Variants in UBXN7 observed in about 807,000 individuals in gnomAD.
UBXN7 encodes UBX domain-containing protein 7.
In UBXN7, 9 loss-of-function variants were observed where a neutral mutation model predicts 58.0. The ratio of observed to expected loss-of-function variants is 0.16; its 90% CI spans 0.09 to 0.27. The LOEUF (loss-of-function observed/expected upper bound fraction) is 0.27, where lower values mean the gene tolerates loss of function less well. Ranked by LOEUF, UBXN7 falls within the 10% of genes least tolerant of loss-of-function variation. The pLI is 1.00. For synonymous variants in UBXN7, 208 were observed against 205.0 expected (o/e 1.01, Z -0.12); for missense variants, 328 against 599.6 (o/e 0.55, Z 4.73).
chr3:196,385,660 C>T (rs1433910686), intron 5 of UBXN7, among the ~76,000 whole-genome samples: 1 of 151,730 alleles, frequency 6.6e-6, no homozygotes, highest in Admixed American at 6.6e-5. Flanking sequence ...CGGCCGCCCC[C>T]TCTGAGAAGT....
chr3:196,362,012 G>A (rs1728518962), intron 9 of UBXN7, 89 bp from the exon 10 acceptor site: 1 of 1,284,004 alleles, frequency 7.8e-7, no homozygotes, highest in Non-Finnish European at 1.1e-6. Flanking sequence ...AATAAATACA[G>A]CCATTCAGCA....
chr3:196,378,636 C>T lies in UBXN7; in HGVS notation c.469-6594G>A, dbSNP rs116133408. Among the ~76,000 whole-genome samples the T allele has an allele frequency of 6.8e-3, 1,039 of 152,314 alleles. 10 individuals are homozygous for T. The highest frequency in any genetic ancestry group is 0.023 in the African/African-American group (960 of 41,564). ...CTGAGGGCTCCTCCTCCTTTTTAGA[C>T]GATACAGGGCAACTTCCTGATGTTG... On this transcript the variant is annotated intron_variant, in intron 5 of 10. Transcript: ENST00000296328.
intron 8 of UBXN7, among the ~76,000 whole-genome samples, chr3:196,362,890 C>T (rs527254183): frequency 1.3e-5 from 2 of 151,756 alleles, no homozygotes; most frequent in African/African-American, 4.8e-5. Context: ...CACACACACA[C>T]GTTTTTGTTG....
intron 8 of UBXN7, among the ~76,000 whole-genome samples, chr3:196,366,608 T>C (rs1189566868): frequency 1.3e-5 from 2 of 151,988 alleles, no homozygotes; most frequent in African/African-American, 2.4e-5. Flanking sequence ...ACAATAAAAA[T>C]GTTGCTAGGT....
At chr3:196,390,261 T>G (rs182281205) in intron 5 of UBXN7, among the ~76,000 whole-genome samples, 2 of 151,628 alleles carry the variant, frequency 1.3e-5, no homozygotes, top group Non-Finnish European at 2.9e-5. Context: ...GGTCTCACTA[T>G]GTTGCCCAGG....
rs184244876 is a variant in UBXN7 at position 196,369,904 on chromosome 3, G to A, written c.616-393C>T. ...TCCCAGCACTTTAGGAGGCCGAGGC[G>A]AGTGGATCACAAGGTCAGGAGATTG... On this transcript the variant is annotated intron_variant, in intron 6 of 10. Coordinates refer to ENST00000296328, the MANE Select transcript of UBXN7 (RefSeq NM_015562.2). 4.2e-3 allele frequency among the ~76,000 whole-genome samples: 633 copies of A among 152,152 alleles called. 5 individuals carry two copies. Among genetic ancestry groups the A allele is most frequent in the African/African-American group, 0.014 (586 of 41,514 alleles).
chr3:196,401,832 G>GAAGAGAAGAGAAGAGAAGAGAAGAGAA (rs1730002228), intron 3 of UBXN7, among the ~76,000 whole-genome samples: 1 of 146,970 alleles, frequency 6.8e-6, no homozygotes, highest in Non-Finnish European at 1.5e-5. Flanking sequence ...AGAGAGAAGA[G>GAAGAGAAGAGAAGAGAAGAGAAGAGAA]AAGAGAAGAG....
intron 1 of UBXN7, among the ~76,000 whole-genome samples, chr3:196,419,062 T>TG (rs1207726665): frequency 6.6e-6 from 1 of 152,184 alleles, no homozygotes; most frequent in African/African-American, 2.4e-5. Flanking sequence ...GGCCAGGAGT[T>TG]GGAGACCAGC....
In UBXN7 at chr3:196,407,287, A is replaced by G. The variant is rs752492750; in HGVS notation, c.180T>C (p.Ser60=). Residue 60 remains serine (S), a synonymous_variant, in exon 2 of 11, where the codon AGT becomes AGC. Coordinates refer to ENST00000296328, the MANE Select transcript of UBXN7 (RefSeq NM_015562.2). ...CAGTAGAGACACTTGCTGAACTGGT[A>G]CTGGGCTCTTCAGCGATTCCTCCAC... ...LDGGGIAEEP[S]TSSASVSTVR... 6.2e-7 allele frequency: 1 copy of G among 1,614,228 alleles called. No homozygotes were observed. Among genetic ancestry groups the G allele is most frequent in the South Asian group, 1.1e-5 (1 of 91,088 alleles).
intron 10 of UBXN7, 103 bp from the exon 11 acceptor site, chr3:196,356,949 G>A (rs1728367434): frequency 1.4e-6 from 2 of 1,379,440 alleles, no homozygotes; most frequent in Admixed American, 3.0e-5. Flanking sequence ...TATTAGATCA[G>A]CTATTAAATG....
intron 3 of UBXN7, among the ~76,000 whole-genome samples, chr3:196,401,248 C>A (rs1300717978): frequency 2.6e-3 from 6 of 2,274 alleles, no homozygotes; most frequent in Admixed American, 9.4e-3. Flanking sequence ...CCCGTCTCTC[C>A]AAAAAAAAAA....
intron 4 of UBXN7, among the ~76,000 whole-genome samples, chr3:196,392,694 T>C (rs1729626182): frequency 6.6e-6 from 1 of 151,760 alleles, no homozygotes; most frequent in Non-Finnish European, 1.5e-5. Context: ...TCCCAGCTAC[T>C]TGGGAGGCTG....
chr3:196,408,175 C>T (rs763795440), intron 1 of UBXN7, among the ~76,000 whole-genome samples: 1 of 144,292 alleles, frequency 6.9e-6, no homozygotes, highest in Non-Finnish European at 1.5e-5. Context: ...TTGTCTAAGA[C>T]ATAACTAAGT....
chr3:196,428,075 A>G (rs958099254), intron 1 of UBXN7, among the ~76,000 whole-genome samples: 1 of 152,138 alleles, frequency 6.6e-6, no homozygotes, highest in Non-Finnish European at 1.5e-5. Flanking sequence ...AGTGAGCCGA[A>G]ATCATGCCAC....
At chr3:196,407,037 C>G (rs545772559) in intron 2 of UBXN7, among the ~76,000 whole-genome samples, 3 of 152,356 alleles carry the variant, frequency 2.0e-5, no homozygotes, top group Non-Finnish European at 4.4e-5. Flanking sequence ...TTCACAGAGC[C>G]TACACGGTTC....
Position 196,354,928 on chromosome 3 carries a change from T to C in UBXN7, c.*1757A>G, listed in dbSNP as rs1267707730. On this transcript the variant is annotated 3_prime_UTR_variant, in exon 11 of 11. Transcript: ENST00000296328. ...TTAGAAAAAAATTTAAGAACATTAA[T>C]TCAAAAGGACTCACTGAAGAATAAA... 1 of 151,962 alleles carries C rather than the reference T, an allele frequency of 6.6e-6. No individual in the cohort carries two copies. The highest frequency in any genetic ancestry group is 2.4e-5 in the African/African-American group (1 of 41,428). The allele number at this position is 151,962 out of a possible 1,614,324, so 9.4% of individuals were successfully genotyped here.
chr3:196,418,296 A>AGGAATGAC (rs982447090), intron 1 of UBXN7, among the ~76,000 whole-genome samples: 4 of 94,976 alleles, frequency 4.2e-5, no homozygotes, highest in African/African-American at 1.4e-4. Flanking sequence ...GAGAGAAGGA[A>AGGAATGAC]GGAATGACGG....
chr3:196,384,233 TC>T (rs1483423927), intron 5 of UBXN7, among the ~76,000 whole-genome samples: 4 of 151,934 alleles, frequency 2.6e-5, no homozygotes, highest in Non-Finnish European at 5.9e-5. Context: ...ACATACACCC[TC>T]CCAAGACTAA....
chr3:196,412,198 T>C (rs1577472010), intron 1 of UBXN7, among the ~76,000 whole-genome samples: 1 of 125,166 alleles, frequency 8.0e-6, no homozygotes, highest in East Asian at 2.5e-4. Context: ...ACCACTGCAC[T>C]CCAGTTTGGG....
Sources: allele counts gnomAD v4.1 joint callset (sites outside exome capture counted in the v4.1 genomes callset), GRCh38; gene constraint gnomAD v4.1.1; transcripts MANE v1.5; gene names NCBI Gene and HGNC (gene_info 2026-07-23, HGNC 2026-07-21).